The following DMXL1 variants were observed in gnomAD, a reference collection of about 807,000 sequenced individuals.
DMXL1 encodes dmX-like protein 1.
A neutral mutation model predicts 319.2 loss-of-function variants in DMXL1; 99 were observed. The observed-to-expected ratio is 0.31, with a 90% CI of 0.26 to 0.37. DMXL1 has a LOEUF of 0.37. Among genes scored for constraint, DMXL1 ranks in the 10% least tolerant of loss-of-function variants. DMXL1 has a pLI of 1.00. For missense variants in DMXL1, 3,745 were observed against 3,595.6 expected (o/e 1.04, Z -1.06); for synonymous variants, 1,385 against 1,235.2 (o/e 1.12, Z -2.54).
At chr5:119,110,076 A>T (rs773812396) in intron 4 of DMXL1, 75 bp from the exon 5 acceptor site, 65 of 1,349,404 alleles carry the variant, frequency 4.8e-5, no homozygotes, top group Non-Finnish European at 6.1e-5. Flanking sequence ...GTTGTTTTAT[A>T]TGAAATTCTT....
chr5:119,215,169 A>C (rs918712803), intron 34 of DMXL1, among the ~76,000 whole-genome samples: 3 of 152,178 alleles, frequency 2.0e-5, no homozygotes, highest in African/African-American at 7.2e-5. Context: ...TTCCTAAGCA[A>C]GTTATACTTT....
intron 32 of DMXL1, among the ~76,000 whole-genome samples, chr5:119,198,523 AAAAGTGTTAAGAGG>A (rs1365027642): frequency 6.6e-6 from 1 of 152,220 alleles, no homozygotes; most frequent in East Asian, 1.9e-4. Flanking sequence ...AGCTGGTCAC[AAAAGTGTTAAGAGG>A]AAAGTTTATA....
In DMXL1 at chr5:119,071,544, G is replaced by A. The variant is rs1354431703; in HGVS notation, c.-26G>A. On this transcript the variant is annotated 5_prime_UTR_variant, in exon 1 of 44. Coordinates refer to ENST00000539542, the MANE Select transcript of DMXL1 (RefSeq NM_001290321.3). ...ACCCGTGGCATGAGCTGGATGCGGT[G>A]TCCGTTGCAGGACTAGGGCGCCGAC... 2 of 1,588,658 alleles carry A rather than the reference G, an allele frequency of 1.3e-6. No individual in the cohort carries two copies. The highest frequency in any genetic ancestry group is 1.7e-6 in the Non-Finnish European group (2 of 1,167,148).
chr5:119,226,369 AT>A (rs1785562386), intron 38 of DMXL1, among the ~76,000 whole-genome samples: 1 of 152,198 alleles, frequency 6.6e-6, no homozygotes, highest in African/African-American at 2.4e-5. Flanking sequence ...TTTTAAAAAT[AT>A]TAGTCTGAAG....
chr5:119,094,109 A>G (rs889823382), intron 1 of DMXL1, among the ~76,000 whole-genome samples: 15 of 152,252 alleles, frequency 9.9e-5, no homozygotes, highest in East Asian at 1.9e-4. Flanking sequence ...GAAGGTGGCT[A>G]TGTGAAAGAA....
chr5:119,233,557 G>T, intron 39 of DMXL1, 90 bp downstream of exon 39: 1 of 1,001,444 alleles, frequency 1.0e-6, no homozygotes, highest in Non-Finnish European at 1.5e-6. Context: ...GAACAGCTCC[G>T]TGGGTAGTAG....
chr5:119,119,059 C>T (rs1032959573), intron 8 of DMXL1, 55 bp downstream of exon 8: 2 of 1,225,346 alleles, frequency 1.6e-6, no homozygotes, highest in African/African-American at 1.5e-5. Flanking sequence ...TGGTACATTG[C>T]CTTTTTGGTA....
chr5:119,132,982 GGTGA>G, intron 10 of DMXL1, 146 bp from the exon 11 acceptor site: 1 of 671,414 alleles, frequency 1.5e-6, no homozygotes, highest in Non-Finnish European at 2.5e-6. Context: ...AGATGTGTAG[GGTGA>G]GGTGTGGCGG....
At chr5:119,126,048 T>A (rs903923771) in intron 9 of DMXL1, among the ~76,000 whole-genome samples, 1 of 152,140 alleles carries the variant, frequency 6.6e-6, no homozygotes, top group Non-Finnish European at 1.5e-5. Context: ...CCCAGCACTT[T>A]GGGAGGCCGA....
chr5:119,118,992 A>G lies in DMXL1; in HGVS notation c.921A>G (p.Gln307=), dbSNP rs777942863. ...ATGCTTCCAGTAAAGAACGAGTTCA[A>G]AATGCTTTAGAAGTGAGTGTTTTTG... The part of the protein sequence containing the change: ...KRNASSKERV[Q]NALEVNLRHF... The change falls in exon 8 of 44, where the codon CAA becomes CAG. Residue 307 remains glutamine, a synonymous_variant. Coordinates refer to ENST00000539542, the MANE Select transcript of DMXL1 (RefSeq NM_001290321.3). 4.3e-6 allele frequency: 7 copies of G among 1,611,294 alleles called. No homozygotes were observed. In the Middle Eastern group the frequency reaches 6.6e-4, roughly 152 times the overall value.
intron 35 of DMXL1, among the ~76,000 whole-genome samples, chr5:119,218,143 A>C (rs896413208): frequency 6.6e-6 from 1 of 152,080 alleles, no homozygotes; most frequent in Non-Finnish European, 1.5e-5. Context: ...TTGGGAGGCC[A>C]AGGCAGTAGG....
chr5:119,176,809 C>T (rs1015189904), intron 26 of DMXL1, among the ~76,000 whole-genome samples: 1 of 151,946 alleles, frequency 6.6e-6, no homozygotes, highest in African/African-American at 2.4e-5. Context: ...GCATCTTTTA[C>T]TTGGGGAAGC....
intron 30 of DMXL1, among the ~76,000 whole-genome samples, chr5:119,194,791 A>T (rs1466697851): frequency 1.3e-5 from 2 of 152,220 alleles, no homozygotes; most frequent in African/African-American, 4.8e-5. Flanking sequence ...ATGGTGGCCT[A>T]TGCCTGTAAT....
chr5:119,131,361 T>C (rs572580978), intron 10 of DMXL1, among the ~76,000 whole-genome samples: 1 of 152,278 alleles, frequency 6.6e-6, no homozygotes, highest in Middle Eastern at 3.4e-3. Context: ...CAGTTTATTT[T>C]TTGTTACTAA....
intron 13 of DMXL1, among the ~76,000 whole-genome samples, chr5:119,135,249 T>G (rs1331033431): frequency 6.6e-6 from 1 of 152,118 alleles, no homozygotes; most frequent in Admixed American, 6.5e-5. Flanking sequence ...GGTAAAAATT[T>G]GTATCATAGA....
intron 29 of DMXL1, among the ~76,000 whole-genome samples, chr5:119,190,144 T>C: frequency 6.7e-6 from 1 of 148,486 alleles, no homozygotes; most frequent in African/African-American, 2.6e-5. Flanking sequence ...ATATTTCTTA[T>C]AAGATAAAAG....
At chr5:119,235,672 G>A (rs1450546516) in intron 39 of DMXL1, among the ~76,000 whole-genome samples, 1 of 152,108 alleles carries the variant, frequency 6.6e-6, no homozygotes, top group African/African-American at 2.4e-5. Flanking sequence ...TTGGTTTTTA[G>A]AGTTAAAGAG....
chr5:119,198,631 T>G (rs1400716164), intron 32 of DMXL1, among the ~76,000 whole-genome samples: 1 of 152,126 alleles, frequency 6.6e-6, no homozygotes, highest in Non-Finnish European at 1.5e-5. Flanking sequence ...AGAAAAAAAT[T>G]ATTCTAAAAT....
chr5:119,147,000 A>T lies in DMXL1; in HGVS notation c.2689+44A>T, dbSNP rs112070382. The T allele has an allele frequency of 3.1e-6, 5 of 1,594,756 alleles. No individual in the cohort carries two copies. In the South Asian group the frequency reaches 5.7e-5, roughly 18 times the overall value. ...TGTTTGTGCAACTTTAATAGGTGTA[A>T]GTTAACAAATTACACAAAATTAGAT... On this transcript the variant is annotated intron_variant, in intron 16 of 43. Transcript: ENST00000539542.
Sources: allele counts gnomAD v4.1 joint callset (sites outside exome capture counted in the v4.1 genomes callset), GRCh38; gene constraint gnomAD v4.1.1; transcripts MANE v1.5; gene names NCBI Gene and HGNC (gene_info 2026-07-23, HGNC 2026-07-21).